Variants in TJP1 observed in about 807,000 individuals in gnomAD.
The protein encoded by TJP1 is tight junction protein ZO-1.
TJP1 carries 43 observed loss-of-function variants against 194.2 expected under a neutral mutation model. The ratio of observed to expected loss-of-function variants is 0.22; its 90% CI spans 0.17 to 0.29. The LOEUF (loss-of-function observed/expected upper bound fraction) is 0.29, where lower values mean the gene tolerates loss of function less well. Ranked by LOEUF, TJP1 falls within the 10% of genes least tolerant of loss-of-function variation. TJP1 has a pLI of 1.00. For synonymous variants in TJP1, 801 were observed against 779.0 expected, an observed-to-expected ratio of 1.03 and a Z score of -0.47; for missense variants, 1,971 against 2,185.7, an observed-to-expected ratio of 0.90 and a Z score of 1.96.
intron 2 of TJP1, among the ~76,000 whole-genome samples, chr15:29,858,064 A>G (rs2051929144): frequency 6.6e-6 from 1 of 152,132 alleles, no homozygotes; most frequent in African/African-American, 2.4e-5. Flanking sequence ...CACCCAGCCT[A>G]AAGATGACCC....
intron 1 of TJP1, among the ~76,000 whole-genome samples, chr15:29,813,403 G>A (rs1237832674): frequency 6.6e-6 from 1 of 152,114 alleles, no homozygotes; most frequent in Non-Finnish European, 1.5e-5. Flanking sequence ...AAAAGCCACA[G>A]AAGTCTAACT....
At chr15:29,921,402 C>T (rs969181510) in intron 2 of TJP1, among the ~76,000 whole-genome samples, 1 of 152,156 alleles carries the variant, frequency 6.6e-6, no homozygotes, top group Non-Finnish European at 1.5e-5. Flanking sequence ...CTGTATCCAA[C>T]AGAGATTTAT....
intron 2 of TJP1, among the ~76,000 whole-genome samples, chr15:29,797,225 T>C (rs1008259114): frequency 3.9e-5 from 6 of 152,156 alleles, no homozygotes; most frequent in Non-Finnish European, 7.3e-5. Flanking sequence ...GTCAGGGTCA[T>C]TGCAACCTCT....
Position 29,704,236 on chromosome 15 carries a change from A to G in TJP1, c.5138T>C (p.Leu1713Pro). 1.3e-6 allele frequency: 2 copies of G among 1,596,742 alleles called. No individual in the cohort carries two copies. Among genetic ancestry groups the G allele is most frequent in the Non-Finnish European group, 8.5e-7 (1 of 1,171,802 alleles). ...HGLKFLKPVE[L>P]RLPHCASMTP... ...CATGGACGCACAGTGTGGTAAGCGC[A>G]GCTCCACAGGCTTCAGGAACTTGAG... Residue 1713 changes from leucine (L) to proline (P), a missense_variant, in exon 27 of 28, where the codon CTG becomes CCG. By Grantham distance (98) the Leu-to-Pro change is moderately conservative (BLOSUM62 -3). Coordinates refer to ENST00000614355, the MANE Select transcript of TJP1 (RefSeq NM_001330239.4).
At chr15:29,709,250 A>G (rs1348526793) in intron 24 of TJP1, among the ~76,000 whole-genome samples, 1 of 152,124 alleles carries the variant, frequency 6.6e-6, no homozygotes, top group East Asian at 1.9e-4. Context: ...GCTGCCCTGG[A>G]GTCAGGGTCC....
At chr15:29,786,102 A>T (rs1236131418) in intron 2 of TJP1, among the ~76,000 whole-genome samples, 1 of 152,192 alleles carries the variant, frequency 6.6e-6, no homozygotes, top group Non-Finnish European at 1.5e-5. Flanking sequence ...TTTTCTACCA[A>T]CTTGGTAGTT....
intron 2 of TJP1, among the ~76,000 whole-genome samples, chr15:29,840,652 C>A (rs922611935): frequency 2.0e-5 from 3 of 152,160 alleles, no homozygotes; most frequent in African/African-American, 7.2e-5. Context: ...AGGCAGCCTC[C>A]ATCTTTATGT....
intron 2 of TJP1, among the ~76,000 whole-genome samples, chr15:29,901,185 T>G (rs566812029): frequency 6.6e-6 from 1 of 152,318 alleles, no homozygotes; most frequent in Admixed American, 6.5e-5. Context: ...TGATGATCAC[T>G]TATTGTTGAA....
At position 29,761,194 on chromosome 15, in the gene TJP1, G is replaced by A. The variant is rs191883147; in HGVS notation, c.955C>T (p.Arg319Trp). Residue 319 changes from arginine to tryptophan, a missense_variant, in exon 8 of 28, where the codon CGG (arginine) becomes TGG (tryptophan). Physicochemically the swap from Arg to Trp is moderately radical, Grantham distance 101 (BLOSUM62 -3). Around this residue, in one of 5 missense-constraint regions of TJP1, gnomAD observed 192 missense variants for 182.3 expected, o/e 1.05. Transcript: ENST00000614355. Reference protein sequence around the residue: ...RRSRSRSPDQRSEPSDHSRHS... With the variant: ...RRSRSRSPDQWSEPSDHSRHS... Reference sequence around the variant, plus strand: ...CTGGAATGATCAGAAGGCTCTGACCGCTGGTCAGGAGATCGTGACCGGCTG... The same window carrying A: ...CTGGAATGATCAGAAGGCTCTGACCACTGGTCAGGAGATCGTGACCGGCTG... 1.6e-4 allele frequency: 260 copies of A among 1,613,900 alleles called. No individual in the cohort carries two copies. Among genetic ancestry groups the A allele is most frequent in the Admixed American group, 1.5e-3 (92 of 59,988 alleles).
chr15:29,918,393 G>A (rs953571295), intron 2 of TJP1, among the ~76,000 whole-genome samples: 2 of 152,090 alleles, frequency 1.3e-5, no homozygotes, highest in Non-Finnish European at 1.5e-5. Flanking sequence ...ACTTCCCAAC[G>A]TTAAAGACAG....
chr15:29,955,822 C>T (rs1405696520), intron 2 of TJP1, among the ~76,000 whole-genome samples: 2 of 146,382 alleles, frequency 1.4e-5, no homozygotes, highest in African/African-American at 5.0e-5. Flanking sequence ...GAATTGGGAT[C>T]CGTACTAATA....
intron 2 of TJP1, among the ~76,000 whole-genome samples, chr15:29,893,929 A>G (rs1201994415): frequency 2.0e-5 from 3 of 152,192 alleles, no homozygotes; most frequent in African/African-American, 7.2e-5. Context: ...AAGAGTCACA[A>G]AATCATGCTC....
At chr15:29,878,975 T>C (rs1596167611) in intron 2 of TJP1, among the ~76,000 whole-genome samples, 1 of 151,664 alleles carries the variant, frequency 6.6e-6, no homozygotes, top group Admixed American at 6.6e-5. Flanking sequence ...ATACAAAGAT[T>C]AGCCGGGCGT....
In TJP1 at chr15:29,733,277, G is replaced by C. The variant is rs1225721216; in HGVS notation, c.1553C>G (p.Ser518Cys). 1.2e-6 allele frequency: 2 copies of C among 1,613,306 alleles called. No homozygotes were observed. Among genetic ancestry groups the C allele is most frequent in the Non-Finnish European group, 1.7e-6 (2 of 1,179,590 alleles). Residue 518 changes from serine to cysteine, a missense_variant, in exon 13 of 28, where the codon TCT becomes TGT. Coordinates refer to ENST00000614355, the MANE Select transcript of TJP1 (RefSeq NM_001330239.4). ...TTCAAAATGGGTTCTAATATAGAAA[G>C]AATCTCCTACATCTGATTCTACAAT... ...RRIVESDVGDSFYIRTHFEYE... is the reference protein window; with the variant it reads ...RRIVESDVGDCFYIRTHFEYE...
intron 1 of TJP1, chr15:29,968,631 C>G: frequency 2.0e-6 from 2 of 1,005,354 alleles, no homozygotes; most frequent in Non-Finnish European, 2.4e-6. Context: ...CCGCGCCTAG[C>G]CCGGCTGGGG....
At chr15:29,728,146 C>T (rs1213890937) in intron 15 of TJP1, 127 bp from the exon 16 acceptor site, 2 of 649,772 alleles carry the variant, frequency 3.1e-6, no homozygotes, top group African/African-American at 3.7e-5. Context: ...CTGTCTTATG[C>T]ATGCAGTACT....
intron 2 of TJP1, among the ~76,000 whole-genome samples, chr15:29,919,013 G>T (rs528808030): frequency 3.2e-4 from 49 of 152,218 alleles, no homozygotes; most frequent in African/African-American, 1.1e-3. Context: ...ACCATACAAG[G>T]CACATCGTGG....
chr15:29,766,497 C>T lies in TJP1; in HGVS notation c.358G>A (p.Asp120Asn), dbSNP rs762641321. The change falls in exon 5 of 28, where the codon GAT becomes AAT. Residue 120 changes from aspartate to asparagine, a missense_variant. Physicochemically the swap from Asp to Asn is conservative, Grantham distance 23. Coordinates refer to ENST00000614355, the MANE Select transcript of TJP1 (RefSeq NM_001330239.4). ...TCATTATCAGATACTGGTTCAGGAT[C>T]AGGACGACTTACTGGTATTTGAACT... Reference protein sequence around the residue: ...KKVQIPVSRPDPEPVSDNEED... With the variant: ...KKVQIPVSRPNPEPVSDNEED... 6.2e-6 allele frequency: 10 copies of T among 1,603,816 alleles called. 1 individual carries two copies. The Admixed American group carries it at 6.8e-5, about 11-fold the overall frequency.
At chr15:29,851,785 A>C (rs1174813739) in intron 2 of TJP1, among the ~76,000 whole-genome samples, 1 of 152,254 alleles carries the variant, frequency 6.6e-6, no homozygotes, top group African/African-American at 2.4e-5. Flanking sequence ...TCCTATGCAA[A>C]TATGCCTGGG....
Sources: gnomAD v4.1 joint callset for allele counts (sites outside exome capture counted in the v4.1 genomes callset) on GRCh38, gnomAD v4.1.1 for gene constraint, gnomAD v4.1.1 regional missense constraint, MANE v1.5 for transcripts, NCBI Gene and HGNC (gene_info 2026-07-23, HGNC 2026-07-21) for gene names.